ZNF232: variants seen among roughly 807,000 people sequenced by gnomAD.
The protein encoded by ZNF232 is zinc finger protein 232, also known as zinc finger and SCAN domain-containing protein 11.
In ZNF232, 25 loss-of-function variants were observed where a neutral mutation model predicts 25.2. The ratio of observed to expected loss-of-function variants is 0.99; its 90% CI spans 0.72 to 1.39. The LOEUF (loss-of-function observed/expected upper bound fraction) is 1.39, where lower values mean the gene tolerates loss of function less well. Ranked by LOEUF, ZNF232 falls within the 40% of genes most tolerant of loss-of-function variation. The pLI, the probability that ZNF232 is intolerant of heterozygous loss-of-function variation, is 0.00. For synonymous variants in ZNF232, 193 were observed against 182.9 expected (o/e 1.06, Z -0.45); for missense variants, 519 against 520.9 (o/e 1.00, Z 0.04).
upstream of ZNF232, chr17:5,111,903 C>T: frequency 6.3e-7 from 1 of 1,581,004 alleles, no homozygotes. Context: ...CAGCCTCGGC[C>T]TCCAACTCCC....
intron 3 of ZNF232, among the ~76,000 whole-genome samples, chr17:5,106,882 G>A (rs1282106048): frequency 1.3e-5 from 2 of 152,114 alleles, no homozygotes; most frequent in Non-Finnish European, 2.9e-5. Flanking sequence ...AATCATTAGG[G>A]TTAAGGAAAA....
intron 1 of ZNF232, among the ~76,000 whole-genome samples, chr17:5,120,225 C>T (rs1393182212): frequency 2.0e-5 from 3 of 152,118 alleles, no homozygotes; most frequent in African/African-American, 7.2e-5. Flanking sequence ...CACGGTGACA[C>T]CAACGTAGGG....
At chr17:5,109,728 T>C (rs750744338) in exon 2 of ZNF232, 1 of 1,614,174 alleles carries the variant, frequency 6.2e-7, no homozygotes, top group South Asian at 1.1e-5. Flanking sequence ...TTCCTCTTCC[T>C]TTGGTCCCAT....
exon 2 of ZNF232, chr17:5,109,611 C>G: frequency 1.2e-6 from 2 of 1,614,184 alleles, no homozygotes; most frequent in Non-Finnish European, 1.7e-6. Flanking sequence ...CAAGGCCTCC[C>G]GGGGACCAGG....
upstream of ZNF232, among the ~76,000 whole-genome samples, chr17:5,115,698 A>T (rs966243970): frequency 1.3e-5 from 2 of 152,180 alleles, no homozygotes; most frequent in South Asian, 2.1e-4. Context: ...TCGTTTTTAG[A>T]GTGTCAGAAG....
At chr17:5,115,097 C>G (rs546592164), upstream of ZNF232, 51 of 151,988 alleles carry the variant, frequency 3.4e-4, no homozygotes, top group African/African-American at 1.1e-3. Flanking sequence ...GTAGAAGGAC[C>G]CCACGTCAAA....
At chr17:5,110,196 CTT>C (rs34123214) in intron 1 of ZNF232, among the ~76,000 whole-genome samples, 47,545 of 151,856 alleles carry the variant, frequency 0.31, 7,588 homozygotes, top group Middle Eastern at 0.37. Flanking sequence ...CCGTCCTCCT[CTT>C]CTTTTTTCAT....
intron 3 of ZNF232, among the ~76,000 whole-genome samples, chr17:5,107,579 C>T (rs1266121007): frequency 6.9e-6 from 1 of 144,630 alleles, no homozygotes; most frequent in African/African-American, 2.6e-5. Flanking sequence ...TGCTCTGTTG[C>T]CCAGGCTGGA....
chr17:5,105,956 A>ATATC lies in ZNF232; in HGVS notation c.1175_1176insGATA (p.Tyr392Ter). The ATATC allele has an allele frequency of 6.2e-7, 1 of 1,614,212 alleles. No homozygotes were observed. Among genetic ancestry groups the ATATC allele is most frequent in the South Asian group, 1.1e-5 (1 of 91,082 alleles). ...TGTGAATTCTCCGATGCTGACTTAG[A>ATATC]TATGAGCTTTGACTAAAGGCCTTCC... On this transcript the variant is annotated stop_gained and frameshift_variant, in exon 4 of 4. Coordinates refer to ENST00000575898, the Ensembl canonical transcript of ZNF232. LOFTEE classifies it low-confidence loss of function (END_TRUNC).
exon 2 of ZNF232, chr17:5,109,807 C>A: frequency 6.2e-7 from 1 of 1,614,148 alleles, no homozygotes; most frequent in South Asian, 1.1e-5. Context: ...AGTGATACAG[C>A]CATCCTAGTC....
At chr17:5,109,296 A>G (rs766432680) in intron 2 of ZNF232, 98 bp downstream of exon 2, 6 of 1,447,478 alleles carry the variant, frequency 4.1e-6, no homozygotes, top group Non-Finnish European at 5.8e-6. Flanking sequence ...CTGGCCCAAG[A>G]GAGGTTTGAA....
rs1177292691 is a variant in ZNF232, at chr17:5,111,579, C to A, written c.23+221G>T. ...CCCTTCACTCCCTACCCAAGGGTCT[C>A]GAGAAAAGAGAAGAGGAACATCAAG... On this transcript the variant is annotated intron_variant, in intron 1 of 3. Coordinates refer to ENST00000575898, the Ensembl canonical transcript of ZNF232. 7 of 654,438 alleles carry A rather than the reference C, an allele frequency of 1.1e-5. No homozygotes were observed. In the Admixed American group the frequency reaches 2.1e-4, roughly 20 times the overall value. 40.5% of individuals were successfully genotyped at this position (654,438 alleles called of 1,614,324 possible). A position where few individuals can be genotyped will look rare whatever the true frequency, so the allele number is the denominator to read the frequency against.
intron 3 of ZNF232, 97 bp downstream of exon 3, chr17:5,108,829 A>C (rs2072323861): frequency 6.4e-7 from 1 of 1,561,182 alleles, no homozygotes; most frequent in Admixed American, 1.8e-5. Flanking sequence ...CCAAACATTT[A>C]AGCACCTACT....
upstream of ZNF232, chr17:5,112,044 A>G: frequency 1.5e-6 from 1 of 658,784 alleles, no homozygotes. Flanking sequence ...CGCCTGCACG[A>G]CTGGACTGGA....
At chr17:5,116,660 G>T (rs1407002307), upstream of ZNF232, 1 of 152,274 alleles carries the variant, frequency 6.6e-6, no homozygotes, top group African/African-American at 2.4e-5. Flanking sequence ...GGAAGGAACT[G>T]GGAGACCCAA....
chr17:5,118,976 CAG>C (rs1195543734), intron 1 of ZNF232, among the ~76,000 whole-genome samples: 1 of 152,144 alleles, frequency 6.6e-6, no homozygotes, highest in Non-Finnish European at 1.5e-5. Context: ...AGTAAGCAAA[CAG>C]GAATAGAAGT....
At chr17:5,106,777 A>C (rs2072270883) in intron 3 of ZNF232, among the ~76,000 whole-genome samples, 1 of 152,206 alleles carries the variant, frequency 6.6e-6, no homozygotes, top group African/African-American at 2.4e-5. Flanking sequence ...TTATTGAAAA[A>C]ATGAAAGCAA....
intron 3 of ZNF232, among the ~76,000 whole-genome samples, chr17:5,108,381 T>C (rs904398408): frequency 6.6e-6 from 1 of 151,740 alleles, no homozygotes; most frequent in East Asian, 1.9e-4. Flanking sequence ...ATCTGAAGGG[T>C]AGAAGGTGAG....
At chr17:5,120,680 C>T (rs944501086) in intron 1 of ZNF232, 3 of 406,862 alleles carry the variant, frequency 7.4e-6, no homozygotes, top group Non-Finnish European at 1.5e-5. Context: ...TGAAGATGGA[C>T]ACTGTGCCTG....
Sources: allele counts gnomAD v4.1 joint callset (sites outside exome capture counted in the v4.1 genomes callset), GRCh38; gene constraint gnomAD v4.1.1; transcripts MANE v1.5; gene names NCBI Gene and HGNC (gene_info 2026-07-23, HGNC 2026-07-21).